NR5A2: variants seen among roughly 807,000 people sequenced by gnomAD.
NR5A2 encodes the protein nuclear receptor subfamily 5 group A member 2, also known as CYP7A promoter-binding factor.
Under a neutral mutation model 62.7 loss-of-function variants are expected in NR5A2, and 26 were observed. That is an observed-to-expected ratio of 0.41 (90% CI 0.30 to 0.58). The LOEUF (loss-of-function observed/expected upper bound fraction) is 0.58, where lower values mean the gene tolerates loss of function less well. Among genes scored for constraint, NR5A2 ranks in the 20% least tolerant of loss-of-function variants. The probability of loss-of-function intolerance (pLI) is 0.22; values close to 1 mark genes in which losing one functional copy is unlikely to be tolerated. For synonymous variants in NR5A2, 246 were observed against 241.7 expected (o/e 1.02, Z -0.16); for missense variants, 541 against 669.1 (o/e 0.81, Z 2.11).
intron 7 of NR5A2, among the ~76,000 whole-genome samples, chr1:200,133,473 C>T (rs1006220816): frequency 9.0e-5 from 13 of 145,130 alleles, no homozygotes; most frequent in African/African-American, 2.6e-4. Flanking sequence ...TACAGTCAAG[C>T]GTTATATAAT....
intron 5 of NR5A2, among the ~76,000 whole-genome samples, chr1:200,083,358 G>C (rs1664377916): frequency 6.6e-6 from 1 of 152,156 alleles, no homozygotes; most frequent in Non-Finnish European, 1.5e-5. Context: ...ATCATTTGCT[G>C]TCCAAGTAAT....
chr1:200,109,182 G>A (rs1275681470), intron 5 of NR5A2, among the ~76,000 whole-genome samples: 2 of 152,190 alleles, frequency 1.3e-5, no homozygotes, highest in Non-Finnish European at 2.9e-5. Context: ...CTTAATGAAT[G>A]TAACTGTTTT....
Position 200,136,432 on chromosome 1 carries a change from C to T in NR5A2, c.1378+15477C>T, listed in dbSNP as rs115532344. On this transcript the variant is annotated intron_variant, in intron 7 of 7. Transcript: ENST00000367362. ...TCAGTATGTTCGATTATAATAGCTA[C>T]ATCTTATTGTCCTGTATGAGCAGAG... 4.0e-3 allele frequency among the ~76,000 whole-genome samples: 607 copies of T among 152,312 alleles called. 5 individuals are homozygous for T. Among genetic ancestry groups the T allele is most frequent in the African/African-American group, 0.014 (564 of 41,560 alleles).
chr1:200,108,340 A>T (rs1665789464), intron 5 of NR5A2, among the ~76,000 whole-genome samples: 1 of 152,052 alleles, frequency 6.6e-6, no homozygotes, highest in African/African-American at 2.4e-5. Flanking sequence ...GGCCTCCCAA[A>T]GTGTTGGGAT....
intron 7 of NR5A2, among the ~76,000 whole-genome samples, chr1:200,130,014 C>T (rs557619368): frequency 6.4e-4 from 97 of 152,240 alleles, no homozygotes; most frequent in Non-Finnish European, 1.2e-3. Flanking sequence ...AAAGGGCTTA[C>T]AAAAGGAGAG....
intron 5 of NR5A2, among the ~76,000 whole-genome samples, chr1:200,051,677 A>AAG (rs1228495335): frequency 6.8e-6 from 1 of 147,142 alleles, no homozygotes; most frequent in African/African-American, 2.7e-5. Flanking sequence ...TTGGTGAACA[A>AAG]AGAGTAGAAT....
intron 7 of NR5A2, among the ~76,000 whole-genome samples, chr1:200,161,584 A>T (rs576978767): frequency 1.3e-5 from 2 of 152,218 alleles, no homozygotes; most frequent in Non-Finnish European, 2.9e-5. Flanking sequence ...CCACTTCACA[A>T]CATCAAACAT....
At chr1:200,146,411 C>T (rs1667696903) in intron 7 of NR5A2, among the ~76,000 whole-genome samples, 1 of 152,294 alleles carries the variant, frequency 6.6e-6, no homozygotes, top group Non-Finnish European at 1.5e-5. Flanking sequence ...GAGGCCAACA[C>T]AGGATAGTCG....
chr1:200,116,878 T>TA (rs1666244978), intron 6 of NR5A2, among the ~76,000 whole-genome samples: 1 of 152,190 alleles, frequency 6.6e-6, no homozygotes, highest in Non-Finnish European at 1.5e-5. Context: ...TGGGGTCAGG[T>TA]TTTAGTATTT....
Position 200,147,596 on chromosome 1 carries a change from A to G in NR5A2, c.1379-26367A>G. 1.4e-6 allele frequency: 1 copy of G among 721,590 alleles called. No homozygotes were observed. Among genetic ancestry groups the G allele is most frequent in the South Asian group, 1.3e-5 (1 of 74,316 alleles). 44.7% of individuals were successfully genotyped at this position (721,590 alleles called of 1,614,324 possible). A position where few individuals can be genotyped will look rare whatever the true frequency, so the allele number is the denominator to read the frequency against. ...ATCTCCTCTACACGAACGCTAGGGC[A>G]GAGCACATTTTCGCACAGGCAGCGC... On this transcript the variant is annotated intron_variant, in intron 7 of 7. Transcript: ENST00000367362. The surrounding 1 kb of genome is among the most constrained non-coding windows in gnomAD (Gnocchi z 4.9).
At chr1:200,092,870 G>C (rs964122997) in intron 5 of NR5A2, among the ~76,000 whole-genome samples, 3 of 139,530 alleles carry the variant, frequency 2.2e-5, no homozygotes, top group Non-Finnish European at 3.0e-5. Flanking sequence ...CTAAAAGACA[G>C]GTCTTTTTTT....
intron 7 of NR5A2, among the ~76,000 whole-genome samples, chr1:200,138,761 G>A (rs1463168514): frequency 6.6e-6 from 1 of 151,966 alleles, no homozygotes; most frequent in Non-Finnish European, 1.5e-5. Flanking sequence ...TTTCTACTTT[G>A]TTCCTTTGGC....
At chr1:200,030,757 T>C (rs1481058176) in intron 1 of NR5A2, among the ~76,000 whole-genome samples, 1 of 152,250 alleles carries the variant, frequency 6.6e-6, no homozygotes, top group Non-Finnish European at 1.5e-5. Context: ...TAACTGCATT[T>C]GCAGAATATT....
At chr1:200,066,588 C>CTTTTGTTTTTTTTT (rs1553267898) in intron 5 of NR5A2, among the ~76,000 whole-genome samples, 1 of 113,156 alleles carries the variant, frequency 8.8e-6, no homozygotes, top group Non-Finnish European at 1.7e-5. Context: ...AATTAATTAT[C>CTTTTGTTTTTTTTT]TTTTTTTTTT....
At chr1:200,154,333 A>G (rs780150198) in intron 7 of NR5A2, among the ~76,000 whole-genome samples, 58 of 152,228 alleles carry the variant, frequency 3.8e-4, no homozygotes, top group Admixed American at 8.5e-4. Flanking sequence ...AGCTGGGCTC[A>G]CACTTGACAT....
At chr1:200,163,446 T>C (rs1653740613) in intron 7 of NR5A2, among the ~76,000 whole-genome samples, 1 of 151,660 alleles carries the variant, frequency 6.6e-6, no homozygotes, top group Non-Finnish European at 1.5e-5. Context: ...CGGCTTTCAT[T>C]CTAGCATTCT....
At chr1:200,120,133 T>C (rs1666417176) in intron 6 of NR5A2, among the ~76,000 whole-genome samples, 1 of 152,148 alleles carries the variant, frequency 6.6e-6, no homozygotes, top group Non-Finnish European at 1.5e-5. Flanking sequence ...ATTTTTAAAT[T>C]AACACTTCTG....
intron 4 of NR5A2, among the ~76,000 whole-genome samples, chr1:200,046,607 A>T (rs1300185109): frequency 6.6e-6 from 1 of 152,198 alleles, no homozygotes; most frequent in African/African-American, 2.4e-5. Flanking sequence ...TTCCGAACAG[A>T]GGTAGCCACT....
chr1:200,136,616 A>C (rs1667234752), intron 7 of NR5A2, among the ~76,000 whole-genome samples: 1 of 152,212 alleles, frequency 6.6e-6, no homozygotes, highest in Non-Finnish European at 1.5e-5. Context: ...TGCACACTTT[A>C]GTCATCAAAG....
Sources: allele counts gnomAD v4.1 joint callset (sites outside exome capture counted in the v4.1 genomes callset), GRCh38; gene constraint gnomAD v4.1.1; non-coding constraint Gnocchi (gnomAD v3.1); transcripts MANE v1.5; gene names NCBI Gene and HGNC (gene_info 2026-07-23, HGNC 2026-07-21).